Variants in SCARB1 observed in about 807,000 individuals in gnomAD.
The protein encoded by SCARB1 is scavenger receptor class B member 1.
A neutral mutation model predicts 57.2 loss-of-function variants in SCARB1; 30 were observed. The ratio of observed to expected loss-of-function variants is 0.52; its 90% CI spans 0.39 to 0.71. SCARB1 has a LOEUF of 0.71. Ranked by LOEUF, SCARB1 falls within the 30% of genes least tolerant of loss-of-function variation. The pLI is 0.00. For missense variants in SCARB1, 543 were observed against 671.2 expected, an observed-to-expected ratio of 0.81 and a Z score of 2.11; for synonymous variants, 249 against 268.3, an observed-to-expected ratio of 0.93 and a Z score of 0.70.
chr12:124,778,509 G>T lies in SCARB1; in HGVS notation c.*78C>A. The T allele has an allele frequency of 7.4e-7, 1 of 1,360,182 alleles. No individual in the cohort carries two copies. The highest frequency in any genetic ancestry group is 1.5e-5 in the African/African-American group (1 of 65,582). The allele number at this position is 1,360,182 out of a possible 1,614,324, so 84.3% of individuals were successfully genotyped here. A position where few individuals can be genotyped will look rare whatever the true frequency, so the allele number is the denominator to read the frequency against. On this transcript the variant is annotated 3_prime_UTR_variant, in exon 13 of 13. Coordinates refer to ENST00000261693, the MANE Select transcript of SCARB1 (RefSeq NM_005505.5). ...GGGGCTGTCCGCTGGGAGAGTCCGG[G>T]AGAAGCGGGGTGTAGGGGCTGGGGG...
At chr12:124,802,089 G>C (rs1274176046) in intron 7 of SCARB1, among the ~76,000 whole-genome samples, 2 of 150,240 alleles carry the variant, frequency 1.3e-5, no homozygotes, top group African/African-American at 2.5e-5. Context: ...GGCAGAAGTT[G>C]TGGTGAGCCA....
intron 8 of SCARB1, among the ~76,000 whole-genome samples, chr12:124,799,281 T>G (rs1950055198): frequency 6.6e-6 from 1 of 152,144 alleles, no homozygotes; most frequent in Non-Finnish European, 1.5e-5. Context: ...TCCCGGTACT[T>G]TGGGAGGCCA....
intron 7 of SCARB1, among the ~76,000 whole-genome samples, chr12:124,802,191 A>G (rs1950158516): frequency 1.3e-5 from 2 of 151,838 alleles, no homozygotes; most frequent in South Asian, 2.1e-4. Flanking sequence ...TACCGTGGAA[A>G]ATAATGATGT....
intron 1 of SCARB1, among the ~76,000 whole-genome samples, chr12:124,834,435 A>G (rs1209248297): frequency 6.6e-6 from 1 of 152,236 alleles, no homozygotes; most frequent in Non-Finnish European, 1.5e-5. Flanking sequence ...CTCCCACTCC[A>G]GGCATGAGGT....
intron 10 of SCARB1, 23 bp downstream of exon 10, chr12:124,787,383 C>G (rs762389011): frequency 6.2e-7 from 1 of 1,612,316 alleles, no homozygotes; most frequent in East Asian, 2.2e-5. Context: ...AAGCCCCCGA[C>G]GCTGTGCCCA....
At chr12:124,841,495 A>G (rs1274526767) in intron 1 of SCARB1, among the ~76,000 whole-genome samples, 1 of 151,902 alleles carries the variant, frequency 6.6e-6, no homozygotes, top group Non-Finnish European at 1.5e-5. Flanking sequence ...AAAAAAAAAA[A>G]AAAATACTGA....
At chr12:124,849,701 T>G (rs1301721609) in intron 1 of SCARB1, among the ~76,000 whole-genome samples, 1 of 152,222 alleles carries the variant, frequency 6.6e-6, no homozygotes, top group African/African-American at 2.4e-5. Context: ...AAATAAAAGA[T>G]AGAACTGAGC....
At chr12:124,840,319 A>T (rs1951860273) in intron 1 of SCARB1, among the ~76,000 whole-genome samples, 1 of 152,020 alleles carries the variant, frequency 6.6e-6, no homozygotes, top group African/African-American at 2.4e-5. Flanking sequence ...GATTACATAC[A>T]GGCGCCTGCC....
Position 124,817,354 on chromosome 12 carries a change from A to C in SCARB1, c.284+196T>G, listed in dbSNP as rs1594286767. ...GGCAACATAGCAAGATCCCATCTCT[A>C]AAAAAAAAAAAAAAAAAAAAAAAAA... On this transcript the variant is annotated intron_variant, in intron 2 of 12. Transcript: ENST00000261693. This position sits in a 1 kb window ranked among gnomAD's most constrained non-coding sequence, Gnocchi z 4.8. 4.3e-5 allele frequency among the ~76,000 whole-genome samples: 1 copy of C among 23,378 alleles called. No individual in the cohort carries two copies. The highest frequency in any genetic ancestry group is 6.1e-4 in the Admixed American group (1 of 1,632). 15.3% of individuals were successfully genotyped at this position (23,378 alleles called of 152,430 possible).
Position 124,814,885 on chromosome 12 carries a change from G to T in SCARB1, c.426+88C>A. ...GTCCCCACGCTCCGACCACCTCAGGGACTGCTCTCTGCACAAGGGGCAGGC... is the reference window on the plus strand; with the variant it reads ...GTCCCCACGCTCCGACCACCTCAGGTACTGCTCTCTGCACAAGGGGCAGGC... On this transcript the variant is annotated intron_variant, in intron 3 of 12. Coordinates refer to ENST00000261693, the MANE Select transcript of SCARB1 (RefSeq NM_005505.5). This position sits in a 1 kb window ranked among gnomAD's most constrained non-coding sequence, Gnocchi z 4.7. The T allele has an allele frequency of 6.4e-7, 1 of 1,560,324 alleles. No homozygotes were observed. The highest frequency in any genetic ancestry group is 2.3e-5 in the East Asian group (1 of 44,378).
intron 1 of SCARB1, among the ~76,000 whole-genome samples, chr12:124,852,486 G>A (rs1952454584): frequency 6.6e-6 from 1 of 152,248 alleles, no homozygotes; most frequent in Non-Finnish European, 1.5e-5. Flanking sequence ...CACAGAGACA[G>A]GAAGTGCAAG....
At chr12:124,797,217 C>A (rs551980541) in intron 8 of SCARB1, among the ~76,000 whole-genome samples, 1 of 152,124 alleles carries the variant, frequency 6.6e-6, no homozygotes, top group Non-Finnish European at 1.5e-5. Flanking sequence ...TGGCCTCCCC[C>A]GACTTCACCC....
At chr12:124,788,162 T>G (rs1464638918) in intron 9 of SCARB1, among the ~76,000 whole-genome samples, 2 of 152,160 alleles carry the variant, frequency 1.3e-5, no homozygotes, top group African/African-American at 4.8e-5. Context: ...AGGGAACCAG[T>G]GTTTCGATGT....
intron 10 of SCARB1, 118 bp from the exon 11 acceptor site, chr12:124,786,621 C>A: frequency 2.0e-6 from 3 of 1,537,146 alleles, no homozygotes; most frequent in Non-Finnish European, 2.6e-6. Context: ...TCAAGCTTCC[C>A]GGCTAAAGCA....
At chr12:124,850,966 C>T (rs2135826028) in intron 1 of SCARB1, among the ~76,000 whole-genome samples, 1 of 152,320 alleles carries the variant, frequency 6.6e-6, no homozygotes, top group East Asian at 1.9e-4. Flanking sequence ...TGGGCAAGAA[C>T]TACTTCCCTC....
intron 1 of SCARB1, among the ~76,000 whole-genome samples, chr12:124,823,044 A>T (rs1253660927): frequency 2.0e-5 from 3 of 152,276 alleles, no homozygotes; most frequent in Non-Finnish European, 4.4e-5. Flanking sequence ...AGATATGTGC[A>T]TACACATATA....
intron 10 of SCARB1, 71 bp downstream of exon 10, chr12:124,787,335 C>A: frequency 7.0e-7 from 1 of 1,433,782 alleles, no homozygotes; most frequent in Admixed American, 1.8e-5. Context: ...CTGCTCCCCC[C>A]GCCTCCTGCC....
rs960775521 is a variant in SCARB1, at chr12:124,810,975, T to C, written c.727-686A>G. Among the ~76,000 whole-genome samples, 3 of 152,182 alleles carry C rather than the reference T, an allele frequency of 2.0e-5. No homozygotes were observed. The highest frequency in any genetic ancestry group is 7.2e-5 in the African/African-American group (3 of 41,448). On this transcript the variant is annotated intron_variant, in intron 5 of 12. Coordinates refer to ENST00000261693, the MANE Select transcript of SCARB1 (RefSeq NM_005505.5). The surrounding 1 kb of genome is among the most constrained non-coding windows in gnomAD (Gnocchi z 4.0). ...TAGCCCTCAGGGTCTTTGCAGTAAC[T>C]ACCACGGGGAGTGGGGAGTGGGAAG...
intron 9 of SCARB1, among the ~76,000 whole-genome samples, chr12:124,794,283 T>G (rs1949849200): frequency 6.6e-6 from 1 of 152,210 alleles, no homozygotes; most frequent in East Asian, 1.9e-4. Flanking sequence ...GGGGGGTTAT[T>G]TTTTTTATTT....
Sources: gnomAD v4.1 joint callset for allele counts (sites outside exome capture counted in the v4.1 genomes callset) on GRCh38, gnomAD v4.1.1 for gene constraint, Gnocchi (gnomAD v3.1) non-coding constraint, MANE v1.5 for transcripts, NCBI Gene and HGNC (gene_info 2026-07-23, HGNC 2026-07-21) for gene names.